Variants in GGACT observed in about 807,000 individuals in gnomAD.
The protein encoded by GGACT is gamma-glutamylamine cyclotransferase.
For synonymous variants in GGACT, 118 were observed against 115.3 expected (o/e 1.02, Z -0.15); for missense variants, 241 against 233.2 (o/e 1.03, Z -0.22).
intron 2 of GGACT, among the ~76,000 whole-genome samples, chr13:100,566,741 CAA>C (rs1874898531): frequency 6.6e-6 from 1 of 152,226 alleles, no homozygotes; most frequent in Non-Finnish European, 1.5e-5. Context: ...CTGTTTCCCA[CAA>C]AGACATCTGA....
chr13:100,568,445 C>A (rs1874979240), intron 2 of GGACT, among the ~76,000 whole-genome samples: 1 of 152,184 alleles, frequency 6.6e-6, no homozygotes, highest in Non-Finnish European at 1.5e-5. Context: ...AGGGGCAAGC[C>A]CCTTATAAAA....
rs1160716583 is a variant in GGACT, at chr13:100,532,359, A to G, written c.233T>C (p.Leu78Pro). The G allele has an allele frequency of 2.6e-6, 4 of 1,550,638 alleles. No individual in the cohort carries two copies. Among genetic ancestry groups the G allele is most frequent in the Admixed American group, 2.0e-5 (1 of 50,990 alleles). ...GGCCGGGCAACTCTCGAAGTCATCCAGAAAGCGCAGCATCCGCTCGTCTAC... is the reference window on the plus strand; with the variant it reads ...GGCCGGGCAACTCTCGAAGTCATCCGGAAAGCGCAGCATCCGCTCGTCTAC... ...YAVDERMLRF[L>P]DDFESCPALY... Residue 78 changes from leucine to proline, a missense_variant, in exon 3 of 3, where the codon CTG becomes CCG. Coordinates refer to ENST00000683975, the MANE Select transcript of GGACT (RefSeq NM_001195087.2).
intron 2 of GGACT, among the ~76,000 whole-genome samples, chr13:100,576,341 G>A (rs909766447): frequency 2.0e-5 from 3 of 152,194 alleles, no homozygotes; most frequent in Non-Finnish European, 4.4e-5. Flanking sequence ...TCACCATTGC[G>A]GGTGGGAATG....
At chr13:100,568,878 A>T (rs1444659799) in intron 2 of GGACT, among the ~76,000 whole-genome samples, 1 of 152,272 alleles carries the variant, frequency 6.6e-6, no homozygotes, top group Non-Finnish European at 1.5e-5. Flanking sequence ...AAATTGGCCA[A>T]AACAAAGGGG....
chr13:100,532,309 C>T lies in GGACT; in HGVS notation c.283G>A (p.Val95Ile), dbSNP rs746251971. Residue 95 changes from valine to isoleucine, a missense_variant, in exon 3 of 3, where the codon GTA becomes ATA. Coordinates refer to ENST00000683975, the MANE Select transcript of GGACT (RefSeq NM_001195087.2). ...GGGGCCCGGTCCTCCAGCAGCTGTA[C>T]CCGCAGCACCGTGCGCTGGTACAGG... ...PALYQRTVLR[V>I]QLLEDRAPGA... 6.5e-7 allele frequency: 1 copy of T among 1,545,978 alleles called. No individual in the cohort carries two copies. The highest frequency in any genetic ancestry group is 8.7e-7 in the Non-Finnish European group (1 of 1,143,270).
At chr13:100,581,222 G>A (rs1472828634) in intron 2 of GGACT, among the ~76,000 whole-genome samples, 1 of 152,232 alleles carries the variant, frequency 6.6e-6, no homozygotes, top group African/African-American at 2.4e-5. Context: ...GAGCACACCA[G>A]CATCCAGCTT....
chr13:100,550,343 CA>C lies in GGACT; in HGVS notation c.-10-17743del, dbSNP rs60118999. ...ACACACACACACACACACACACACA[CA>C]CACACACACACCACTGGCCCTTCTA... is the stretch of plus-strand genomic sequence containing the variant. On this transcript the variant is annotated intron_variant, in intron 2 of 2. Coordinates refer to ENST00000683975, the MANE Select transcript of GGACT (RefSeq NM_001195087.2). 1.9e-3 allele frequency among the ~76,000 whole-genome samples: 117 copies of C among 60,402 alleles called. 8 individuals carry two copies. The highest frequency in any genetic ancestry group is 0.016 in the Middle Eastern group (2 of 126). 39.6% of individuals were successfully genotyped at this position (60,402 alleles called of 152,430 possible).
At chr13:100,555,223 T>C (rs994824630) in intron 2 of GGACT, among the ~76,000 whole-genome samples, 4 of 152,114 alleles carry the variant, frequency 2.6e-5, no homozygotes, top group Non-Finnish European at 4.4e-5. Flanking sequence ...ATCAAAGACA[T>C]TGGTAGAAAA....
intron 2 of GGACT, among the ~76,000 whole-genome samples, chr13:100,555,817 C>T (rs1024644573): frequency 5.3e-5 from 8 of 152,072 alleles, no homozygotes; most frequent in African/African-American, 1.4e-4. Flanking sequence ...AGGAATGCAA[C>T]GTAGTTTAAT....
Position 100,583,809 on chromosome 13 carries a change from G to A in GGACT, c.-11+16C>T. ...TGAGCAATGAACACTCTAGAACAGA[G>A]GCTAACAGTTCTCACCTGTAAGCTT... is the stretch of plus-strand genomic sequence containing the variant. On this transcript the variant is annotated intron_variant, in intron 2 of 2. Coordinates refer to ENST00000683975, the MANE Select transcript of GGACT (RefSeq NM_001195087.2). The A allele has an allele frequency of 6.6e-6, 1 of 152,194 alleles. No homozygotes were observed. The highest frequency in any genetic ancestry group is 2.4e-5 in the African/African-American group (1 of 41,442). The allele number at this position is 152,194 out of a possible 1,614,324, so 9.4% of individuals were successfully genotyped here.
At chr13:100,552,594 C>T (rs1374160441) in intron 2 of GGACT, among the ~76,000 whole-genome samples, 1 of 152,124 alleles carries the variant, frequency 6.6e-6, no homozygotes, top group Non-Finnish European at 1.5e-5. Flanking sequence ...CTTTTCTTTC[C>T]AACTTTAAAA....
chr13:100,576,896 A>C (rs182252850), intron 2 of GGACT, among the ~76,000 whole-genome samples: 1 of 152,340 alleles, frequency 6.6e-6, no homozygotes, highest in Admixed American at 6.5e-5. Context: ...ACATTGTACA[A>C]ACAAGTTGGT....
rs980528364 is a variant in GGACT, at chr13:100,541,956, T to C, written c.-10-9355A>G. ...ACTACTTATGCAATAGAAAAGAAAA[T>C]AGCCTGCATTTCTGGCTTCTGTCAT... On this transcript the variant is annotated intron_variant, in intron 2 of 2. Transcript: ENST00000683975. 1.3e-5 allele frequency among the ~76,000 whole-genome samples: 2 copies of C among 152,122 alleles called. 1 individual carries two copies. Among genetic ancestry groups the C allele is most frequent in the South Asian group, 4.1e-4 (2 of 4,830 alleles).
At chr13:100,563,778 G>T (rs910551621) in intron 2 of GGACT, among the ~76,000 whole-genome samples, 3 of 152,270 alleles carry the variant, frequency 2.0e-5, no homozygotes, top group Admixed American at 1.3e-4. Flanking sequence ...AGAGAAGAAT[G>T]AATTTTGTGT....
At chr13:100,558,036 C>T (rs1053104444) in intron 2 of GGACT, among the ~76,000 whole-genome samples, 2 of 151,924 alleles carry the variant, frequency 1.3e-5, no homozygotes, top group Admixed American at 6.6e-5. Context: ...CAAAATTAGC[C>T]GGATATGGTG....
chr13:100,577,311 G>A (rs1875275579), intron 2 of GGACT, among the ~76,000 whole-genome samples: 1 of 152,018 alleles, frequency 6.6e-6, no homozygotes, highest in African/African-American at 2.4e-5. Context: ...AGCTACTCGG[G>A]AGGCTAAGGC....
At chr13:100,552,966 A>G (rs1193077700) in intron 2 of GGACT, among the ~76,000 whole-genome samples, 1 of 149,802 alleles carries the variant, frequency 6.7e-6, no homozygotes, top group Admixed American at 6.6e-5. Flanking sequence ...ACCCAGGAGC[A>G]GGCAGGCCAG....
At position 100,532,506 on chromosome 13, in the gene GGACT, G is replaced by T; in HGVS notation, c.86C>A (p.Ala29Asp). The T allele has an allele frequency of 6.5e-7, 1 of 1,548,604 alleles. No homozygotes were observed. The highest frequency in any genetic ancestry group is 8.7e-7 in the Non-Finnish European group (1 of 1,146,016). ...VLRDGAHGSA[A>D]FRARGRTLEP... Reference sequence around the variant, plus strand: ...CAGCGTGCGGCCGCGCGCCCGAAAGGCTGCGGAGCCGTGGGCGCCGTCCCG... The same window carrying T: ...CAGCGTGCGGCCGCGCGCCCGAAAGTCTGCGGAGCCGTGGGCGCCGTCCCG... Residue 29 changes from alanine (A) to aspartate (D), a missense_variant, in exon 3 of 3, where the codon GCC becomes GAC. By Grantham distance (126) the Ala-to-Asp change is moderately radical (BLOSUM62 -2). Coordinates refer to ENST00000683975, the MANE Select transcript of GGACT (RefSeq NM_001195087.2).
intron 2 of GGACT, among the ~76,000 whole-genome samples, chr13:100,577,246 T>A (rs1360481782): frequency 1.3e-5 from 2 of 151,950 alleles, no homozygotes; most frequent in Non-Finnish European, 1.5e-5. Flanking sequence ...TGAAACCCCA[T>A]CTCTACTATA....
Sources: allele counts gnomAD v4.1 joint callset (sites outside exome capture counted in the v4.1 genomes callset), GRCh38; gene constraint gnomAD v4.1.1; transcripts MANE v1.5; gene names NCBI Gene and HGNC (gene_info 2026-07-23, HGNC 2026-07-21).